Variants in EPHA6 observed in about 807,000 individuals in gnomAD.
The protein encoded by EPHA6 is ephrin type-A receptor 6.
In EPHA6, 50 loss-of-function variants were observed where a neutral mutation model predicts 112.0. That is an observed-to-expected ratio of 0.45 (90% CI 0.36 to 0.56). EPHA6 has a LOEUF of 0.56. Ranked by LOEUF, EPHA6 falls within the 20% of genes least tolerant of loss-of-function variation. EPHA6 has a pLI of 0.00. For missense variants in EPHA6, 1,280 were observed against 1,417.4 expected, an observed-to-expected ratio of 0.90 and a Z score of 1.56; for synonymous variants, 529 against 490.7, an observed-to-expected ratio of 1.08 and a Z score of -1.03.
intron 2 of EPHA6, among the ~76,000 whole-genome samples, chr3:96,880,002 A>G (rs947729800): frequency 3.3e-5 from 5 of 152,048 alleles, no homozygotes; most frequent in South Asian, 2.1e-4. Context: ...ATTGGGTACA[A>G]TGTACGCTAT....
intron 5 of EPHA6, among the ~76,000 whole-genome samples, chr3:97,360,159 C>G (rs1265524523): frequency 6.6e-6 from 1 of 152,130 alleles, no homozygotes; most frequent in Admixed American, 6.6e-5. Context: ...GCAAGCTGCA[C>G]CAGGAACAAG....
rs549961748 is a variant in EPHA6, at chr3:97,625,301, C to T, written c.2575-12572C>T. 4.6e-5 allele frequency among the ~76,000 whole-genome samples: 7 copies of T among 151,690 alleles called. No homozygotes were observed. The East Asian group carries it at 1.4e-3, about 29-fold the overall frequency. On this transcript the variant is annotated intron_variant, in intron 13 of 17. Transcript: ENST00000389672. ...TCTCTTTGTGATTTCTTCTTTGATC[C>T]ATTGGTTGTCTAAGAGTTTATTGTT... is the stretch of plus-strand genomic sequence containing the variant.
chr3:97,143,653 T>C (rs536481402), intron 3 of EPHA6, among the ~76,000 whole-genome samples: 1 of 151,880 alleles, frequency 6.6e-6, no homozygotes, highest in South Asian at 2.1e-4. Flanking sequence ...CAAAAACTGG[T>C]ATAATCAAGA....
intron 8 of EPHA6, among the ~76,000 whole-genome samples, chr3:97,475,792 T>C (rs1366417152): frequency 6.6e-6 from 1 of 152,106 alleles, no homozygotes; most frequent in South Asian, 2.1e-4. Context: ...CAGAACAATT[T>C]ATAGAAAAAC....
intron 12 of EPHA6, among the ~76,000 whole-genome samples, chr3:97,593,451 A>G (rs1175831727): frequency 2.0e-5 from 3 of 152,158 alleles, no homozygotes; most frequent in African/African-American, 7.2e-5. Flanking sequence ...CTTACTTTAC[A>G]TTTTATATGT....
chr3:97,181,039 AGTTTAG>A (rs2076974453), intron 3 of EPHA6, among the ~76,000 whole-genome samples: 1 of 152,104 alleles, frequency 6.6e-6, no homozygotes, highest in Non-Finnish European at 1.5e-5. Context: ...CAGGTACTCA[AGTTTAG>A]ACCACTGGGA....
At chr3:97,158,392 A>G (rs541838635) in intron 3 of EPHA6, among the ~76,000 whole-genome samples, 1 of 152,180 alleles carries the variant, frequency 6.6e-6, no homozygotes, top group East Asian at 1.9e-4. Context: ...TTCTTCTACT[A>G]CCTATTCTGT....
intron 11 of EPHA6, chr3:97,560,381 A>G (rs2093171937): frequency 6.6e-6 from 1 of 151,996 alleles, no homozygotes; most frequent in African/African-American, 2.4e-5. Context: ...TAGAGCATCT[A>G]AAGGTAGCTA....
At chr3:97,292,637 C>G (rs2080728469) in intron 5 of EPHA6, among the ~76,000 whole-genome samples, 1 of 152,222 alleles carries the variant, frequency 6.6e-6, no homozygotes, top group South Asian at 2.1e-4. Flanking sequence ...GAGAGGAGAC[C>G]TGTGGTGGGT....
At chr3:97,059,899 G>T (rs1325721031) in intron 3 of EPHA6, among the ~76,000 whole-genome samples, 1 of 151,976 alleles carries the variant, frequency 6.6e-6, no homozygotes, top group African/African-American at 2.4e-5. Flanking sequence ...GAGGTGGGCG[G>T]ATCATGAGGT....
intron 5 of EPHA6, among the ~76,000 whole-genome samples, chr3:97,387,431 C>A (rs373350144): frequency 8.6e-5 from 13 of 150,818 alleles, no homozygotes; most frequent in African/African-American, 3.2e-4. Flanking sequence ...TAAATCATTT[C>A]TCTCAAGATC....
At chr3:97,237,988 A>G (rs1190992757) in intron 4 of EPHA6, among the ~76,000 whole-genome samples, 1 of 151,988 alleles carries the variant, frequency 6.6e-6, no homozygotes, top group Non-Finnish European at 1.5e-5. Context: ...ACATTTCTGT[A>G]ATTATTACAA....
chr3:97,687,664 A>G (rs2032353956), intron 14 of EPHA6, among the ~76,000 whole-genome samples: 1 of 152,236 alleles, frequency 6.6e-6, no homozygotes, highest in Admixed American at 6.5e-5. Context: ...TGATTAATGT[A>G]AACAAAACAG....
At position 97,490,044 on chromosome 3, in the gene EPHA6, C is replaced by A. The variant is rs138936905; in HGVS notation, c.2200+5985C>A. Among the ~76,000 whole-genome samples the A allele has an allele frequency of 2.1e-3, 326 of 152,014 alleles. 3 individuals carry two copies. The highest frequency in any genetic ancestry group is 7.6e-3 in the African/African-American group (316 of 41,448). The stretch of plus-strand genomic sequence containing the variant: ...ACAGATTTCCAAAACTTGCAAGTTG[C>A]CTCATCATAGTCATTGTTTGATAAA... On this transcript the variant is annotated intron_variant, in intron 10 of 17. Transcript: ENST00000389672.
chr3:97,414,307 A>G (rs1290594810), intron 6 of EPHA6, among the ~76,000 whole-genome samples: 1 of 152,026 alleles, frequency 6.6e-6, no homozygotes, highest in Non-Finnish European at 1.5e-5. Context: ...GCTTCAACCA[A>G]TTCTCCCAAC....
chr3:97,719,607 TAC>T lies in EPHA6; in HGVS notation c.2785-652_2785-651del, dbSNP rs534194332. ...TTTAATTCTTGAACCTTTAAATTCA[TAC>T]AATTTAATTCCTTTAATATGTTAAA... On this transcript the variant is annotated intron_variant, in intron 14 of 17. Coordinates refer to ENST00000389672, the MANE Select transcript of EPHA6 (RefSeq NM_001080448.3). Among the ~76,000 whole-genome samples, 5 of 152,362 alleles carry T rather than the reference TAC, an allele frequency of 3.3e-5. No individual in the cohort carries two copies. The South Asian group carries it at 1.0e-3, about 32-fold the overall frequency.
At chr3:97,689,217 A>G (rs944969065) in intron 14 of EPHA6, among the ~76,000 whole-genome samples, 1 of 152,224 alleles carries the variant, frequency 6.6e-6, no homozygotes, top group African/African-American at 2.4e-5. Flanking sequence ...GTAAACTTCG[A>G]TGTTCATATT....
At chr3:96,924,466 A>C (rs2039931673) in intron 2 of EPHA6, among the ~76,000 whole-genome samples, 1 of 152,112 alleles carries the variant, frequency 6.6e-6, no homozygotes, top group Admixed American at 6.6e-5. Flanking sequence ...GGTGTATAGG[A>C]ATGCTAGTGA....
At chr3:96,922,116 T>C (rs1290286207) in intron 2 of EPHA6, among the ~76,000 whole-genome samples, 2 of 152,286 alleles carry the variant, frequency 1.3e-5, no homozygotes, top group East Asian at 3.9e-4. Context: ...ATATTAGCTA[T>C]TGTACCAAAA....
Sources: allele counts gnomAD v4.1 joint callset (sites outside exome capture counted in the v4.1 genomes callset), GRCh38; gene constraint gnomAD v4.1.1; transcripts MANE v1.5; gene names NCBI Gene and HGNC (gene_info 2026-07-23, HGNC 2026-07-21).